Variants in TANC1 observed in about 807,000 individuals in gnomAD.
The protein encoded by TANC1 is tetratricopeptide repeat, ankyrin repeat and coiled-coil containing 1, also known as protein TANC1.
Under a neutral mutation model 149.7 loss-of-function variants are expected in TANC1, and 77 were observed. The ratio of observed to expected loss-of-function variants is 0.51; its 90% CI spans 0.43 to 0.62. The LOEUF (loss-of-function observed/expected upper bound fraction) is 0.62, where lower values mean the gene tolerates loss of function less well. TANC1 is among the 20% of genes least tolerant of loss of function. The pLI is 0.00. For missense variants in TANC1, 1,985 were observed against 2,321.8 expected, an observed-to-expected ratio of 0.85 and a Z score of 2.98; for synonymous variants, 854 against 925.0, an observed-to-expected ratio of 0.92 and a Z score of 1.39.
At chr2:159,177,693 T>C (rs954396197) in intron 13 of TANC1, among the ~76,000 whole-genome samples, 4 of 152,234 alleles carry the variant, frequency 2.6e-5, no homozygotes, top group African/African-American at 9.6e-5. Context: ...TTTATCTACA[T>C]TGTTATATTA....
At chr2:159,035,007 A>G (rs889602531) in intron 2 of TANC1, among the ~76,000 whole-genome samples, 2 of 152,314 alleles carry the variant, frequency 1.3e-5, no homozygotes, top group Non-Finnish European at 2.9e-5. Context: ...CGATGGAGAC[A>G]TGCTTTGGTC....
intron 20 of TANC1, 146 bp from the exon 21 acceptor site, chr2:159,219,092 T>C (rs530794441): frequency 2.3e-4 from 248 of 1,057,474 alleles, no homozygotes; most frequent in Non-Finnish European, 3.3e-4. Context: ...AGTGGAAAGA[T>C]TTTCCAGGCC....
intron 1 of TANC1, among the ~76,000 whole-genome samples, chr2:158,990,745 C>G (rs1023222778): frequency 2.6e-5 from 4 of 152,030 alleles, no homozygotes; most frequent in African/African-American, 9.7e-5. Context: ...TGAGTGTGAA[C>G]TTGCTGGTGG....
chr2:159,063,842 T>C (rs1559189438), intron 2 of TANC1, among the ~76,000 whole-genome samples: 1 of 152,102 alleles, frequency 6.6e-6, no homozygotes, highest in African/African-American at 2.4e-5. Flanking sequence ...CCTTGCCCCG[T>C]GTGATGCCTA....
At chr2:159,184,789 A>G (rs1054727039) in intron 14 of TANC1, among the ~76,000 whole-genome samples, 5 of 152,210 alleles carry the variant, frequency 3.3e-5, no homozygotes, top group African/African-American at 1.2e-4. Flanking sequence ...ACTTCAGGCC[A>G]TTACAAGACA....
At chr2:159,130,135 CGTTGTT>C (rs377146026) in intron 4 of TANC1, among the ~76,000 whole-genome samples, 4 of 152,030 alleles carry the variant, frequency 2.6e-5, no homozygotes, top group Non-Finnish European at 5.9e-5. Context: ...TCCTTGTTCT[CGTTGTT>C]GTTGTTGTTG....
intron 7 of TANC1, among the ~76,000 whole-genome samples, chr2:159,153,170 T>C (rs2053041223): frequency 6.6e-6 from 1 of 152,176 alleles, no homozygotes; most frequent in African/African-American, 2.4e-5. Context: ...CAGTGTCGAG[T>C]TGCATCGGGA....
chr2:159,117,016 G>A (rs1414947923), intron 4 of TANC1, among the ~76,000 whole-genome samples: 1 of 152,148 alleles, frequency 6.6e-6, no homozygotes, highest in African/African-American at 2.4e-5. Context: ...CTCTCGAAAG[G>A]TGCAGATGGC....
rs113782235 is a variant in TANC1 at position 159,066,603 on chromosome 2, T to C, written c.61+632T>C. Among the ~76,000 whole-genome samples the C allele has an allele frequency of 2.8e-4, 42 of 152,328 alleles. 1 individual carries two copies. Among genetic ancestry groups the C allele is most frequent in the African/African-American group, 9.9e-4 (41 of 41,572 alleles). Reference sequence around the variant, plus strand: ...GGGATAGCAGGTGTGTTCAGGAATTTAGTTTCTAGAAATCCCATTCCCTTT... The same window carrying C: ...GGGATAGCAGGTGTGTTCAGGAATTCAGTTTCTAGAAATCCCATTCCCTTT... On this transcript the variant is annotated intron_variant, in intron 3 of 26. Coordinates refer to ENST00000263635, the MANE Select transcript of TANC1 (RefSeq NM_033394.3).
chr2:159,163,315 C>T lies in TANC1; in HGVS notation c.715C>T (p.Arg239Trp), dbSNP rs367744696. The T allele has an allele frequency of 5.0e-6, 8 of 1,613,818 alleles. No homozygotes were observed. Among genetic ancestry groups the T allele is most frequent in the Admixed American group, 1.7e-5 (1 of 59,974 alleles). The change falls in exon 8 of 27, where the codon CGG becomes TGG. Residue 239 changes from arginine (R) to tryptophan (W), a missense_variant. Physicochemically the swap from Arg to Trp is moderately radical, Grantham distance 101. Transcript: ENST00000263635. ...TACAAGTTCATCCGAAAATGATGAC[C>T]GGAGTGGCTCCAGTTTGGAATGGAA... ...TITSSSENDDRSGSSLEWNKD... is the reference protein window; with the variant it reads ...TITSSSENDDWSGSSLEWNKD...
At chr2:159,011,933 A>G (rs1161773724) in intron 2 of TANC1, among the ~76,000 whole-genome samples, 2 of 152,084 alleles carry the variant, frequency 1.3e-5, no homozygotes, top group Non-Finnish European at 2.9e-5. Context: ...GTCCCCAAGA[A>G]GAAGGAGGAG....
At chr2:158,987,213 C>CA (rs34300029) in intron 1 of TANC1, among the ~76,000 whole-genome samples, 34,438 of 75,866 alleles carry the variant, frequency 0.45, 8,691 homozygotes, top group Non-Finnish European at 0.59. Flanking sequence ...GACTCATCTC[C>CA]AAAAAAAAAA....
intron 4 of TANC1, among the ~76,000 whole-genome samples, chr2:159,110,126 A>G: frequency 6.6e-6 from 1 of 152,242 alleles, no homozygotes; most frequent in South Asian, 2.1e-4. Context: ...GTTGAAGACA[A>G]GAACAGAAAA....
At chr2:158,995,622 C>A (rs1465622060) in intron 1 of TANC1, among the ~76,000 whole-genome samples, 1 of 152,174 alleles carries the variant, frequency 6.6e-6, no homozygotes, top group Non-Finnish European at 1.5e-5. Flanking sequence ...GAGAAACCTT[C>A]CAGACAGAGG....
In TANC1 at chr2:159,227,817, AG is replaced by A. The variant is rs1278371044; in HGVS notation, c.3904-1del. The A allele has an allele frequency of 6.2e-7, 1 of 1,613,256 alleles. No individual in the cohort carries two copies. On this transcript the variant is annotated splice_acceptor_variant, in intron 24 of 26. Transcript: ENST00000263635. LOFTEE classifies it high-confidence loss of function. ...CAAATGTTTGTGATTTTTGAATCCT[AG>A]AAAGGGAAAATGAAAGAGGCAGCCC...
chr2:159,163,269 G>C lies in TANC1; in HGVS notation c.683-14G>C, dbSNP rs775046320. 6.2e-7 allele frequency: 1 copy of C among 1,610,276 alleles called. No homozygotes were observed. Among genetic ancestry groups the C allele is most frequent in the Admixed American group, 1.7e-5 (1 of 59,756 alleles). On this transcript the variant is annotated splice_polypyrimidine_tract_variant and intron_variant, in intron 7 of 26. Transcript: ENST00000263635. ...GCCTGGCCTCCTTCAAAGTATTTTG[G>C]TCTTTCATTTCAGCCACAATTACAA...
chr2:159,126,049 T>G (rs1323834552), intron 4 of TANC1, among the ~76,000 whole-genome samples: 1 of 152,182 alleles, frequency 6.6e-6, no homozygotes, highest in Non-Finnish European at 1.5e-5. Context: ...TTTTCTCACT[T>G]CTGCTTTCGA....
intron 7 of TANC1, among the ~76,000 whole-genome samples, chr2:159,162,936 A>C (rs6740072): frequency 0.29 from 44,475 of 152,170 alleles, 7,763 homozygotes; most frequent in Non-Finnish European, 0.41. Flanking sequence ...TTTAATGAGA[A>C]ATGAATTCTT....
chr2:159,024,389 C>T (rs1038912788), intron 2 of TANC1, among the ~76,000 whole-genome samples: 4 of 152,130 alleles, frequency 2.6e-5, no homozygotes, highest in African/African-American at 9.7e-5. Context: ...CACTCACTGA[C>T]CCACCCAGAG....
Sources: gnomAD v4.1 joint callset for allele counts (sites outside exome capture counted in the v4.1 genomes callset) on GRCh38, gnomAD v4.1.1 for gene constraint, MANE v1.5 for transcripts, NCBI Gene and HGNC (gene_info 2026-07-23, HGNC 2026-07-21) for gene names.